ZNF638: variants seen among roughly 807,000 people sequenced by gnomAD.
The protein encoded by ZNF638 is zinc finger protein 638.
Under a neutral mutation model 195.6 loss-of-function variants are expected in ZNF638, and 46 were observed. The observed-to-expected ratio is 0.24, with a 90% CI of 0.19 to 0.30. The LOEUF is 0.30. Among genes scored for constraint, ZNF638 ranks in the 10% least tolerant of loss-of-function variants. The pLI, the probability that ZNF638 is intolerant of heterozygous loss-of-function variation, is 1.00. For missense variants in ZNF638, 2,440 were observed against 2,325.3 expected (o/e 1.05, Z -1.01); for synonymous variants, 845 against 772.0 (o/e 1.09, Z -1.57).
At chr2:71,399,008 A>T (rs559956196) in intron 12 of ZNF638, among the ~76,000 whole-genome samples, 1 of 152,166 alleles carries the variant, frequency 6.6e-6, no homozygotes, top group Admixed American at 6.5e-5. Flanking sequence ...ACAGCTTTGT[A>T]ATCACAGGTT....
At chr2:71,363,821 T>C in intron 4 of ZNF638, 133 bp from the exon 5 acceptor site, 1 of 1,159,086 alleles carries the variant, frequency 8.6e-7, no homozygotes, top group East Asian at 2.6e-5. Flanking sequence ...AGATTTTTGT[T>C]TTAAGTACAT....
chr2:71,368,816 A>G (rs538176594), intron 7 of ZNF638, among the ~76,000 whole-genome samples: 3 of 152,390 alleles, frequency 2.0e-5, no homozygotes, highest in South Asian at 2.1e-4. Flanking sequence ...AAAAACAGCT[A>G]TAAGTAATAT....
In ZNF638 at chr2:71,349,684, T is replaced by G. The variant is rs2078908849; in HGVS notation, c.730T>G (p.Ser244Ala). 2 of 1,614,088 alleles carry G rather than the reference T, an allele frequency of 1.2e-6. No individual in the cohort carries two copies. Among genetic ancestry groups the G allele is most frequent in the Non-Finnish European group, 1.7e-6 (2 of 1,180,020 alleles). Residue 244 changes from serine (S) to alanine (A), a missense_variant, in exon 2 of 28, where the codon TCA (serine) becomes GCA (alanine). Around this residue, in one of 5 missense-constraint regions of ZNF638, gnomAD observed 305 missense variants for 283.6 expected, o/e 1.08. Transcript: ENST00000264447. The stretch of plus-strand genomic sequence containing the variant: ...TGATGAGGTCGAGAATGAATTTCAG[T>G]CACAGCAGAACATTTCTGCATCTGT... The part of the protein sequence containing the change: ...PTDEVENEFQ[S>A]QQNISASVPN...
Position 71,360,396 on chromosome 2 carries a change from C to G in ZNF638, c.1380-2757C>G, listed in dbSNP as rs1388922580. Among the ~76,000 whole-genome samples the G allele has an allele frequency of 3.3e-5, 5 of 152,086 alleles. No homozygotes were observed. In the East Asian group the frequency reaches 9.6e-4, roughly 29 times the overall value. On this transcript the variant is annotated intron_variant, in intron 3 of 27. Coordinates refer to ENST00000264447, the MANE Select transcript of ZNF638 (RefSeq NM_014497.5). ...CATTTAAGGAAATTAACAATAATTC[C>G]ACAGTTCCTTCTAATATATAAGCCA...
At chr2:71,348,670 A>G in intron 1 of ZNF638, 83 bp from the exon 2 acceptor site, 3 of 1,339,350 alleles carry the variant, frequency 2.2e-6, no homozygotes, top group South Asian at 1.5e-5. Flanking sequence ...GCTTTATTTC[A>G]AAATGTTTTA....
intron 24 of ZNF638, among the ~76,000 whole-genome samples, chr2:71,428,255 C>G (rs1573175908): frequency 6.6e-6 from 1 of 152,076 alleles, no homozygotes; most frequent in Admixed American, 6.5e-5. Context: ...CTAGGAAGGT[C>G]CCACAGGCTT....
At chr2:71,374,423 T>A (rs2079380623) in intron 8 of ZNF638, among the ~76,000 whole-genome samples, 1 of 152,234 alleles carries the variant, frequency 6.6e-6, no homozygotes, top group Non-Finnish European at 1.5e-5. Context: ...CTGTCTTTCT[T>A]GTAGAGTTAT....
At chr2:71,350,764 G>T (rs1162960716) in intron 2 of ZNF638, among the ~76,000 whole-genome samples, 2 of 152,146 alleles carry the variant, frequency 1.3e-5, no homozygotes, top group Non-Finnish European at 2.9e-5. Flanking sequence ...ATGTAGACTA[G>T]TGATTTTTAG....
intron 27 of ZNF638, 195 bp downstream of exon 27, chr2:71,433,478 A>G: frequency 2.0e-6 from 1 of 510,488 alleles, no homozygotes; most frequent in South Asian, 2.6e-5. Flanking sequence ...TTGAACAGCA[A>G]CATTTGCCAG....
At chr2:71,350,295 A>C in intron 2 of ZNF638, 24 bp downstream of exon 2, 1 of 1,589,998 alleles carries the variant, frequency 6.3e-7, no homozygotes, top group Non-Finnish European at 8.5e-7. Context: ...AAAAAAGATC[A>C]CTGTATAATG....
At chr2:71,403,811 T>C in intron 16 of ZNF638, 59 bp from the exon 17 acceptor site, 1 of 1,269,488 alleles carries the variant, frequency 7.9e-7, no homozygotes. Flanking sequence ...CTTGCAAGTC[T>C]GTTTTTGAGA....
chr2:71,351,792 AATT>A (rs1367506200), intron 2 of ZNF638, among the ~76,000 whole-genome samples: 1 of 152,104 alleles, frequency 6.6e-6, no homozygotes, highest in Non-Finnish European at 1.5e-5. Context: ...TGGGGAGAAA[AATT>A]ATGCTCCCAA....
intron 3 of ZNF638, among the ~76,000 whole-genome samples, chr2:71,358,297 T>G (rs1424248469): frequency 6.6e-6 from 1 of 152,232 alleles, no homozygotes; most frequent in East Asian, 1.9e-4. Context: ...TCGGGTAACA[T>G]TCACAAGTTC....
In ZNF638 at chr2:71,369,921, A is replaced by C; in HGVS notation, c.2181A>C (p.Ala727=). Residue 727 remains alanine (A), a synonymous_variant, in exon 8 of 28, where the codon GCA becomes GCC. Coordinates refer to ENST00000264447, the MANE Select transcript of ZNF638 (RefSeq NM_014497.5). ...LEMEFKEAIT[A]IMKYIETTPL... is the part of the protein sequence containing the mutation. Reference sequence around the variant, plus strand: ...TGGAATTTAAAGAGGCAATTACTGCAATTATGAAGTACATTGAAACAACAC... The same window carrying C: ...TGGAATTTAAAGAGGCAATTACTGCCATTATGAAGTACATTGAAACAACAC... The C allele has an allele frequency of 6.3e-7, 1 of 1,594,312 alleles. No homozygotes were observed. The highest frequency in any genetic ancestry group is 8.5e-7 in the Non-Finnish European group (1 of 1,173,868).
At chr2:71,388,464 C>T (rs758919043) in intron 10 of ZNF638, 1 of 690,496 alleles carries the variant, frequency 1.4e-6, no homozygotes, top group East Asian at 2.7e-5. Flanking sequence ...GTGTTGGCTC[C>T]AGGCCTTTGT....
intron 10 of ZNF638, among the ~76,000 whole-genome samples, chr2:71,386,820 G>A (rs1187992687): frequency 1.3e-5 from 2 of 151,992 alleles, no homozygotes; most frequent in East Asian, 3.8e-4. Context: ...GGCATTCTTG[G>A]ATAGAAAGCT....
At chr2:71,421,541 A>G (rs1045124756) in intron 21 of ZNF638, among the ~76,000 whole-genome samples, 1 of 152,144 alleles carries the variant, frequency 6.6e-6, no homozygotes, top group East Asian at 1.9e-4. Flanking sequence ...TAAGACCCTG[A>G]TGTGGTAGCA....
intron 2 of ZNF638, among the ~76,000 whole-genome samples, chr2:71,351,012 A>G (rs2078931320): frequency 6.6e-6 from 1 of 152,240 alleles, no homozygotes; most frequent in Non-Finnish European, 1.5e-5. Flanking sequence ...AGTCGTAATC[A>G]TTGGTAGATT....
chr2:71,378,994 C>CT (rs2079486251), intron 8 of ZNF638, among the ~76,000 whole-genome samples: 1 of 152,064 alleles, frequency 6.6e-6, no homozygotes. Flanking sequence ...TAAGTACTGG[C>CT]TTTTTTTCCT....
Sources: allele counts gnomAD v4.1 joint callset (sites outside exome capture counted in the v4.1 genomes callset), GRCh38; gene constraint gnomAD v4.1.1; regional missense constraint gnomAD v4.1.1; transcripts MANE v1.5; gene names NCBI Gene and HGNC (gene_info 2026-07-23, HGNC 2026-07-21).